Variants in PSMD4 observed in about 807,000 individuals in gnomAD.
PSMD4 encodes the protein 26S proteasome non-ATPase regulatory subunit 4.
PSMD4 carries 5 observed loss-of-function variants against 39.7 expected under a neutral mutation model. The ratio of observed to expected loss-of-function variants is 0.13; its 90% confidence interval spans 0.07 to 0.26. The LOEUF (loss-of-function observed/expected upper bound fraction) is 0.26, where lower values mean the gene tolerates loss of function less well. Among genes scored for constraint, PSMD4 ranks in the 10% least tolerant of loss-of-function variants. PSMD4 has a pLI of 1.00. For synonymous variants in PSMD4, 143 were observed against 174.6 expected (o/e 0.82, Z 1.43); for missense variants, 272 against 486.1 (o/e 0.56, Z 4.14).
At chr1:151,262,388 C>T in intron 2 of PSMD4, 87 bp downstream of exon 2, 1 of 1,521,320 alleles carries the variant, frequency 6.6e-7, no homozygotes, top group South Asian at 1.1e-5. Context: ...CTGCTTTTGC[C>T]CATCACCTTC....
At chr1:151,259,888 T>C (rs587661657) in intron 1 of PSMD4, among the ~76,000 whole-genome samples, 72 of 151,378 alleles carry the variant, frequency 4.8e-4, no homozygotes, top group African/African-American at 1.5e-3. Context: ...GCCTAAAAAA[T>C]AGATAAAATT....
At chr1:151,266,887 G>A in intron 9 of PSMD4, 1 of 707,282 alleles carries the variant, frequency 1.4e-6, no homozygotes, top group Non-Finnish European at 2.6e-6. Flanking sequence ...AGGAGAACTG[G>A]GTGTCTTGAG....
chr1:151,261,199 T>TTTTA (rs1693311598), intron 1 of PSMD4, among the ~76,000 whole-genome samples: 1 of 148,472 alleles, frequency 6.7e-6, no homozygotes, highest in African/African-American at 2.5e-5. Flanking sequence ...TTTTTTTTTT[T>TTTTA]GAGACGAAGT....
Position 151,267,376 on chromosome 1 carries a change from G to A in PSMD4, c.*33G>A. ...GGGAAAGGGTAGCTGAGTCTGCTTA[G>A]GGGACTGCATGGGAAGCACGGAATA... is the stretch of plus-strand genomic sequence containing the variant. On this transcript the variant is annotated 3_prime_UTR_variant, in exon 10 of 10. Transcript: ENST00000368884. The A allele has an allele frequency of 6.2e-7, 1 of 1,606,420 alleles. No homozygotes were observed.
intron 3 of PSMD4, 130 bp from the exon 4 acceptor site, chr1:151,264,702 T>G: frequency 1.4e-6 from 1 of 690,164 alleles, no homozygotes; most frequent in Non-Finnish European, 2.6e-6. Flanking sequence ...TGTTAAATCT[T>G]GTGTGAACGT....
chr1:151,265,669 A>G, intron 6 of PSMD4, 60 bp downstream of exon 6: 1 of 1,532,568 alleles, frequency 6.5e-7, no homozygotes, highest in Non-Finnish European at 9.0e-7. Context: ...CTTCTGGCAC[A>G]CACATCACAG....
At position 151,254,815 on chromosome 1, in the gene PSMD4, A is replaced by T; in HGVS notation, c.26+7A>T. ...TGGAAAGCACTATGGTGTGGTGAGGAGCTACTTCGGGGCAGGAGGGGCAGA... is the reference window on the plus strand; with the variant it reads ...TGGAAAGCACTATGGTGTGGTGAGGTGCTACTTCGGGGCAGGAGGGGCAGA... On this transcript the variant is annotated splice_region_variant and intron_variant, in intron 1 of 9. Transcript: ENST00000368884. The T allele has an allele frequency of 2.0e-6, 3 of 1,521,090 alleles. No homozygotes were observed. The highest frequency in any genetic ancestry group is 2.6e-6 in the Non-Finnish European group (3 of 1,141,168). The allele number at this position is 1,521,090 out of a possible 1,614,324, so 94.2% of individuals were successfully genotyped here. A position where few individuals can be genotyped will look rare whatever the true frequency, so the allele number is the denominator to read the frequency against.
chr1:151,264,345 A>G (rs1464375624), intron 3 of PSMD4, among the ~76,000 whole-genome samples: 1 of 151,124 alleles, frequency 6.6e-6, no homozygotes, highest in Non-Finnish European at 1.5e-5. Flanking sequence ...TTCTCTAAAA[A>G]AAAAAAAAAA....
Position 151,263,848 on chromosome 1 carries a change from G to A in PSMD4, c.168-66G>A, listed in dbSNP as rs940348271. The A allele has an allele frequency of 3.6e-6, 4 of 1,115,640 alleles. No individual in the cohort carries two copies. The Admixed American group carries it at 9.4e-5, about 26-fold the overall frequency. 69.1% of individuals were successfully genotyped at this position (1,115,640 alleles called of 1,614,324 possible). A position where few individuals can be genotyped will look rare whatever the true frequency, so the allele number is the denominator to read the frequency against. On this transcript the variant is annotated intron_variant, in intron 2 of 9. Coordinates refer to ENST00000368884, the MANE Select transcript of PSMD4 (RefSeq NM_002810.4). Reference sequence around the variant, plus strand: ...CCGTCTAAAAAATAAATAAATAAAAGTTAGACACAGTTTAGAGGTACTTGT... The same window carrying A: ...CCGTCTAAAAAATAAATAAATAAAAATTAGACACAGTTTAGAGGTACTTGT...
At chr1:151,259,061 A>G (rs756352468) in intron 1 of PSMD4, 1 of 152,216 alleles carries the variant, frequency 6.6e-6, no homozygotes, top group Non-Finnish European at 1.5e-5. Context: ...TAAAAATACA[A>G]AAATTAGCTG....
intron 1 of PSMD4, among the ~76,000 whole-genome samples, chr1:151,260,846 A>T (rs1309813256): frequency 6.7e-6 from 1 of 148,348 alleles, no homozygotes; most frequent in Admixed American, 6.7e-5. Context: ...CCTATTTTAT[A>T]GATTTTTTTT....
At position 151,254,753 on chromosome 1, in the gene PSMD4, G is replaced by T; in HGVS notation, c.-30G>T. On this transcript the variant is annotated 5_prime_UTR_variant, in exon 1 of 10. Transcript: ENST00000368884. Reference sequence around the variant, plus strand: ...GGAGTTGTTGTTAGGCCGTCCCGGAGACCCGGTCGGGAGGGAGGAAGGTGG... The same window carrying T: ...GGAGTTGTTGTTAGGCCGTCCCGGATACCCGGTCGGGAGGGAGGAAGGTGG... 6.4e-7 allele frequency: 1 copy of T among 1,555,398 alleles called. No individual in the cohort carries two copies. Among genetic ancestry groups the T allele is most frequent in the Non-Finnish European group, 8.7e-7 (1 of 1,150,546 alleles).
chr1:151,262,135 CTT>C (rs1558321490), intron 1 of PSMD4, 24 bp from the exon 2 acceptor site: 9 of 1,613,514 alleles, frequency 5.6e-6, no homozygotes, highest in Admixed American at 3.3e-5. Context: ...TTTCTTCTCT[CTT>C]GTCCTTCAAC....
intron 3 of PSMD4, 68 bp downstream of exon 3, chr1:151,264,096 T>C: frequency 1.6e-6 from 2 of 1,227,982 alleles, no homozygotes; most frequent in Non-Finnish European, 2.3e-6. Flanking sequence ...CATACTCATT[T>C]CTCCCCTGGA....
At chr1:151,265,022 G>A (rs763407308) in intron 4 of PSMD4, 104 bp downstream of exon 4, 45 of 1,339,418 alleles carry the variant, frequency 3.4e-5, no homozygotes, top group Admixed American at 2.6e-4. Flanking sequence ...CATCACTTTG[G>A]GGAAAGGTGA....
chr1:151,267,040 C>A, intron 9 of PSMD4, 133 bp from the exon 10 acceptor site: 3 of 1,085,272 alleles, frequency 2.8e-6, no homozygotes, highest in Non-Finnish European at 4.3e-6. Flanking sequence ...TTCCTTACGT[C>A]GACCAGAGGT....
intron 1 of PSMD4, among the ~76,000 whole-genome samples, chr1:151,257,715 CTTTTTTTT>C (rs71090149): frequency 2.3e-5 from 2 of 88,730 alleles, no homozygotes; most frequent in Middle Eastern, 0.012. Context: ...ACCTGGCTTT[CTTTTTTTT>C]TTTTTTTTTT....
chr1:151,267,358 G>C lies in PSMD4; in HGVS notation c.*15G>C. ...ACAAGAAGTGAGACTGGAGGGAAAGGGTAGCTGAGTCTGCTTAGGGGACTG... is the reference window on the plus strand; with the variant it reads ...ACAAGAAGTGAGACTGGAGGGAAAGCGTAGCTGAGTCTGCTTAGGGGACTG... On this transcript the variant is annotated 3_prime_UTR_variant, in exon 10 of 10. Coordinates refer to ENST00000368884, the MANE Select transcript of PSMD4 (RefSeq NM_002810.4). 1 of 1,613,168 alleles carries C rather than the reference G, an allele frequency of 6.2e-7. No homozygotes were observed. The highest frequency in any genetic ancestry group is 8.5e-7 in the Non-Finnish European group (1 of 1,179,296).
chr1:151,266,524 T>A lies in PSMD4; in HGVS notation c.900T>A (p.Phe300Leu). 6.2e-7 allele frequency: 1 copy of A among 1,614,206 alleles called. No individual in the cohort carries two copies. The highest frequency in any genetic ancestry group is 8.5e-7 in the Non-Finnish European group (1 of 1,180,036). Residue 300 changes from phenylalanine to leucine, a missense_variant, in exon 9 of 10, where the codon TTT (phenylalanine) becomes TTA (leucine). Physicochemically the swap from Phe to Leu is conservative, Grantham distance 22. Transcript: ENST00000368884. Reference protein sequence around the residue: ...AMQMSLQGAEFGQAESADIDA... With the variant: ...AMQMSLQGAELGQAESADIDA... ...AGACTGACCTCTCTTCCTCAGAGTT[T>A]GGCCAGGCGGAATCAGCAGACATTG...
Sources: allele counts gnomAD v4.1 joint callset (sites outside exome capture counted in the v4.1 genomes callset), GRCh38; gene constraint gnomAD v4.1.1; transcripts MANE v1.5; gene names NCBI Gene and HGNC (gene_info 2026-07-23, HGNC 2026-07-21).